The following HTR7 variants were observed in gnomAD, a reference collection of about 807,000 sequenced individuals.
HTR7 encodes the protein 5-HT-7.
In HTR7, 16 loss-of-function variants were observed where a neutral mutation model predicts 34.0. The ratio of observed to expected loss-of-function variants is 0.47; its 90% CI spans 0.32 to 0.71. The LOEUF (loss-of-function observed/expected upper bound fraction) is 0.71, where lower values mean the gene tolerates loss of function less well. HTR7 is among the 30% of genes least tolerant of loss of function. The pLI, the probability that HTR7 is intolerant of heterozygous loss-of-function variation, is 0.04. For synonymous variants in HTR7, 265 were observed against 260.2 expected (o/e 1.02, Z -0.18); for missense variants, 504 against 625.5 (o/e 0.81, Z 2.07).
intron 1 of HTR7, among the ~76,000 whole-genome samples, chr10:90,803,357 C>T (rs1405038491): frequency 6.6e-6 from 1 of 152,020 alleles, no homozygotes; most frequent in Non-Finnish European, 1.5e-5. Context: ...TGCGCAGTAG[C>T]CTGCCAGCGC....
intron 1 of HTR7, among the ~76,000 whole-genome samples, chr10:90,776,494 G>A (rs1282469398): frequency 6.6e-6 from 1 of 152,124 alleles, no homozygotes; most frequent in Admixed American, 6.5e-5. Context: ...ATAAACCTTA[G>A]ACAAGATGCG....
At position 90,767,667 on chromosome 10, in the gene HTR7, G is replaced by T. The variant is rs147057621; in HGVS notation, c.540-18073C>A. On this transcript the variant is annotated intron_variant, in intron 1 of 3. Coordinates refer to ENST00000336152, the MANE Select transcript of HTR7 (RefSeq NM_019859.4). ...TCTGAGGCTGACCCTTAAGAGATGT[G>T]CAGCTTCCACCTTTACTGCTTGGAA... Among the ~76,000 whole-genome samples the T allele has an allele frequency of 3.0e-3, 456 of 152,246 alleles. 4 individuals are homozygous for T. The highest frequency in any genetic ancestry group is 0.01 in the African/African-American group (436 of 41,550).
At position 90,844,682 on chromosome 10, in the gene HTR7, G is replaced by A. The variant is rs182487243; in HGVS notation, c.539+12451C>T. ...GCGTAGCTTGCAGTGAGCCGAGATT[G>A]TGCCACTGCACTCCAGCCTGGGCAA... On this transcript the variant is annotated intron_variant, in intron 1 of 3. Transcript: ENST00000336152. Among the ~76,000 whole-genome samples the A allele has an allele frequency of 2.6e-3, 328 of 124,198 alleles. 1 individual carries two copies. The highest frequency in any genetic ancestry group is 5.2e-3 in the Middle Eastern group (1 of 194). The allele number at this position is 124,198 out of a possible 152,430, so 81.5% of individuals were successfully genotyped here.
intron 2 of HTR7, 49 bp from the exon 3 acceptor site, chr10:90,743,739 A>C (rs1266713595): frequency 7.6e-7 from 1 of 1,309,396 alleles, no homozygotes; most frequent in African/African-American, 1.5e-5. Context: ...ATCAAATTTT[A>C]AAAGAAAAAA....
chr10:90,807,861 G>A (rs973861397), intron 1 of HTR7, among the ~76,000 whole-genome samples: 3 of 152,136 alleles, frequency 2.0e-5, no homozygotes, highest in African/African-American at 4.8e-5. Context: ...CCAGCCCAAG[G>A]AACATCTCAC....
At chr10:90,840,132 A>T (rs1457390754) in intron 1 of HTR7, among the ~76,000 whole-genome samples, 1 of 131,418 alleles carries the variant, frequency 7.6e-6, no homozygotes, top group Non-Finnish European at 1.6e-5. Context: ...TCTCCTCTCC[A>T]TCTCTCCATC....
In HTR7 at chr10:90,853,465, C is replaced by CT. The variant is rs201331383; in HGVS notation, c.539+3667dup. 4.2e-4 allele frequency among the ~76,000 whole-genome samples: 61 copies of CT among 143,956 alleles called. 3 individuals carry two copies. The highest frequency in any genetic ancestry group is 3.5e-3 in the Middle Eastern group (1 of 286). The allele number at this position is 143,956 out of a possible 152,430, so 94.4% of individuals were successfully genotyped here. On this transcript the variant is annotated intron_variant, in intron 1 of 3. Coordinates refer to ENST00000336152, the MANE Select transcript of HTR7 (RefSeq NM_019859.4). ...CATGCCTGGCTTTTTTGTTTCTTTT[C>CT]TTTTCTTTTTTTTTTTTCCGTAGAG...
intron 1 of HTR7, among the ~76,000 whole-genome samples, chr10:90,811,824 G>A (rs1212160679): frequency 1.3e-5 from 2 of 152,110 alleles, no homozygotes; most frequent in East Asian, 1.9e-4. Flanking sequence ...CTTTCCTACA[G>A]GGTCTGAGAA....
intron 1 of HTR7, among the ~76,000 whole-genome samples, chr10:90,815,896 A>G (rs1845892152): frequency 6.6e-6 from 1 of 152,216 alleles, no homozygotes; most frequent in East Asian, 1.9e-4. Flanking sequence ...GCACTTCCCA[A>G]TGATGATTAC....
intron 1 of HTR7, among the ~76,000 whole-genome samples, chr10:90,794,656 A>C (rs572485136): frequency 2.0e-5 from 3 of 152,010 alleles, no homozygotes; most frequent in Admixed American, 6.6e-5. Context: ...GCACACCACC[A>C]CACCTGGCTA....
chr10:90,824,686 T>TGAC (rs1846042662), intron 1 of HTR7, among the ~76,000 whole-genome samples: 3 of 152,210 alleles, frequency 2.0e-5, no homozygotes, highest in Non-Finnish European at 1.5e-5. Flanking sequence ...CACCACAAGC[T>TGAC]GACTGAAAAG....
rs1265095212 is a variant in HTR7, at chr10:90,741,555, T to C, written c.*927A>G. ...AGCTCAACAAGAATGAACATGTTTATGCCCCATCTCCAGAAGCATCACATT... is the reference window on the plus strand; with the variant it reads ...AGCTCAACAAGAATGAACATGTTTACGCCCCATCTCCAGAAGCATCACATT... On this transcript the variant is annotated 3_prime_UTR_variant, in exon 4 of 4. Coordinates refer to ENST00000336152, the MANE Select transcript of HTR7 (RefSeq NM_019859.4). The C allele has an allele frequency of 6.6e-6, 1 of 152,278 alleles. No individual in the cohort carries two copies. 9.4% of individuals were successfully genotyped at this position (152,278 alleles called of 1,614,324 possible).
intron 1 of HTR7, among the ~76,000 whole-genome samples, chr10:90,848,029 T>C (rs1041380193): frequency 4.0e-5 from 6 of 151,432 alleles, no homozygotes; most frequent in Non-Finnish European, 8.8e-5. Flanking sequence ...TGATCTCAGT[T>C]TTCTCCATCC....
intron 1 of HTR7, among the ~76,000 whole-genome samples, chr10:90,774,894 C>G (rs1185185574): frequency 6.6e-6 from 1 of 152,180 alleles, no homozygotes; most frequent in Non-Finnish European, 1.5e-5. Flanking sequence ...ATCACATACC[C>G]ATTCTTAAAC....
At chr10:90,848,308 C>T (rs112077219) in intron 1 of HTR7, among the ~76,000 whole-genome samples, 255 of 152,192 alleles carry the variant, frequency 1.7e-3, no homozygotes, top group African/African-American at 5.6e-3. Context: ...GTGATCTGCC[C>T]GCCTCAGCCT....
At chr10:90,835,913 C>T (rs916642251) in intron 1 of HTR7, among the ~76,000 whole-genome samples, 2 of 152,008 alleles carry the variant, frequency 1.3e-5, no homozygotes, top group Non-Finnish European at 2.9e-5. Flanking sequence ...GAGGAAACAA[C>T]TTGTACTGGG....
chr10:90,743,786 T>C lies in HTR7; in HGVS notation c.1296-96A>G. ...TTATATTTCATTATCATATTTGGTT[T>C]TATATTACCAATCTGTGAATACTTG... On this transcript the variant is annotated intron_variant, in intron 2 of 3. Coordinates refer to ENST00000336152, the MANE Select transcript of HTR7 (RefSeq NM_019859.4). 17 of 950,632 alleles carry C rather than the reference T, an allele frequency of 1.8e-5. No homozygotes were observed. In the South Asian group the frequency reaches 2.2e-4, roughly 12 times the overall value. 58.9% of individuals were successfully genotyped at this position (950,632 alleles called of 1,614,324 possible). A position where few individuals can be genotyped will look rare whatever the true frequency, so the allele number is the denominator to read the frequency against.
intron 1 of HTR7, among the ~76,000 whole-genome samples, chr10:90,811,490 T>C (rs1346957231): frequency 6.6e-6 from 1 of 152,134 alleles, no homozygotes; most frequent in Non-Finnish European, 1.5e-5. Context: ...ACTTAGTTTA[T>C]TGATGGCAGT....
chr10:90,852,686 T>G (rs1846518589), intron 1 of HTR7, among the ~76,000 whole-genome samples: 1 of 152,202 alleles, frequency 6.6e-6, no homozygotes, highest in Non-Finnish European at 1.5e-5. Flanking sequence ...GAACCACTGA[T>G]AGGCTAAAAA....
Sources: gnomAD v4.1 joint callset for allele counts (sites outside exome capture counted in the v4.1 genomes callset) on GRCh38, gnomAD v4.1.1 for gene constraint, MANE v1.5 for transcripts, NCBI Gene and HGNC (gene_info 2026-07-23, HGNC 2026-07-21) for gene names.